ANKRD6: variants seen among roughly 807,000 people sequenced by gnomAD.
The protein encoded by ANKRD6 is ankyrin repeat domain 6.
Under a neutral mutation model 82.3 loss-of-function variants are expected in ANKRD6, and 56 were observed. The observed-to-expected ratio is 0.68, with a 90% CI of 0.55 to 0.85. ANKRD6 has a LOEUF of 0.85. Among genes scored for constraint, ANKRD6 ranks in the 40% least tolerant of loss-of-function variants. The probability of loss-of-function intolerance (pLI) is 0.00; values close to 1 mark genes in which losing one functional copy is unlikely to be tolerated. For synonymous variants in ANKRD6, 347 were observed against 352.1 expected (o/e 0.99, Z 0.16); for missense variants, 852 against 907.6 (o/e 0.94, Z 0.79).
At chr6:89,580,207 A>AT (rs568680402) in intron 2 of ANKRD6, among the ~76,000 whole-genome samples, 33,615 of 143,356 alleles carry the variant, frequency 0.23, 4,051 homozygotes, top group South Asian at 0.36. Flanking sequence ...GAGAAACTTG[A>AT]TTTTTTTTTT....
At chr6:89,456,734 A>C (rs1773553352) in intron 1 of ANKRD6, among the ~76,000 whole-genome samples, 1 of 152,184 alleles carries the variant, frequency 6.6e-6, no homozygotes, top group Non-Finnish European at 1.5e-5. Context: ...ATAAAACATA[A>C]ATTATGGCCA....
At chr6:89,450,942 G>T (rs989234417) in intron 1 of ANKRD6, among the ~76,000 whole-genome samples, 9 of 152,090 alleles carry the variant, frequency 5.9e-5, no homozygotes, top group African/African-American at 2.2e-4. Context: ...TCATTTTATT[G>T]TGGTACTTGC....
intron 3 of ANKRD6, among the ~76,000 whole-genome samples, chr6:89,601,262 CTG>C (rs747996815): frequency 8.2e-4 from 124 of 152,138 alleles, no homozygotes; most frequent in Admixed American, 1.5e-3. Context: ...CTGAACCTAA[CTG>C]ATAACAGGAA....
chr6:89,616,847 T>C, intron 8 of ANKRD6, 190 bp downstream of exon 8: 2 of 694,056 alleles, frequency 2.9e-6, no homozygotes, highest in Non-Finnish European at 5.2e-6. Flanking sequence ...GCCCCAGGAG[T>C]TGACAAGCCT....
At chr6:89,553,835 A>G (rs1481256062) in intron 1 of ANKRD6, among the ~76,000 whole-genome samples, 1 of 152,230 alleles carries the variant, frequency 6.6e-6, no homozygotes, top group Non-Finnish European at 1.5e-5. Context: ...TGGATAATTA[A>G]TATGTAGAAG....
intron 1 of ANKRD6, among the ~76,000 whole-genome samples, chr6:89,463,021 G>A (rs1380490093): frequency 6.6e-6 from 1 of 151,846 alleles, no homozygotes; most frequent in Non-Finnish European, 1.5e-5. Flanking sequence ...ACCATGCCCA[G>A]CTAATTTTTT....
chr6:89,476,414 C>G (rs998402415), intron 1 of ANKRD6, among the ~76,000 whole-genome samples: 1 of 152,134 alleles, frequency 6.6e-6, no homozygotes, highest in Non-Finnish European at 1.5e-5. Context: ...GTCTCGAACT[C>G]TTGACCTCAG....
At chr6:89,630,171 T>C (rs1020673462) in intron 15 of ANKRD6, among the ~76,000 whole-genome samples, 5 of 152,180 alleles carry the variant, frequency 3.3e-5, no homozygotes, top group African/African-American at 1.2e-4. Flanking sequence ...AGCCAGCAAC[T>C]TTTTTGGCTT....
intron 1 of ANKRD6, among the ~76,000 whole-genome samples, chr6:89,551,406 C>G (rs748652845): frequency 1.3e-5 from 2 of 152,186 alleles, no homozygotes; most frequent in African/African-American, 2.4e-5. Flanking sequence ...AAGAGGCGAT[C>G]TGGCTGAGGC....
chr6:89,626,315 T>G (rs955552456), intron 13 of ANKRD6, among the ~76,000 whole-genome samples: 2 of 152,148 alleles, frequency 1.3e-5, no homozygotes, highest in African/African-American at 4.8e-5. Flanking sequence ...AGTGACAGAT[T>G]GGGGTGTAGA....
intron 1 of ANKRD6, among the ~76,000 whole-genome samples, chr6:89,434,921 A>G (rs909232208): frequency 6.6e-5 from 10 of 152,242 alleles, no homozygotes; most frequent in African/African-American, 9.6e-5. Flanking sequence ...AAGAGGAATT[A>G]AAGAGACCAG....
Position 89,437,090 on chromosome 6 carries a change from A to G in ANKRD6, c.-144+3715A>G, listed in dbSNP as rs79108612. ...AGTATTTAAGTGAATGCTCTTATGT[A>G]TGTTTGAGGGGGAAGAAGTTCCATA... On this transcript the variant is annotated intron_variant, in intron 1 of 15. Transcript: ENST00000339746. Among the ~76,000 whole-genome samples, 1,441 of 152,296 alleles carry G rather than the reference A, an allele frequency of 9.5e-3. 15 individuals are homozygous for G. The highest frequency in any genetic ancestry group is 0.013 in the Non-Finnish European group (907 of 68,016).
intron 9 of ANKRD6, among the ~76,000 whole-genome samples, chr6:89,620,545 T>C (rs1012429203): frequency 3.9e-5 from 6 of 152,162 alleles, no homozygotes; most frequent in African/African-American, 1.4e-4. Context: ...TTCTCAGACT[T>C]CTTGGTCTAA....
At chr6:89,504,676 A>G (rs185666016) in intron 1 of ANKRD6, among the ~76,000 whole-genome samples, 1 of 152,270 alleles carries the variant, frequency 6.6e-6, no homozygotes, top group Admixed American at 6.5e-5. Context: ...AAGTACTAGG[A>G]TTATAAGTGT....
intron 7 of ANKRD6, among the ~76,000 whole-genome samples, chr6:89,615,641 A>G (rs1171008289): frequency 6.6e-6 from 1 of 152,208 alleles, no homozygotes; most frequent in East Asian, 1.9e-4. Context: ...ACACATAGCT[A>G]AGTGACTCAG....
chr6:89,491,617 A>G (rs1186521496), intron 1 of ANKRD6, among the ~76,000 whole-genome samples: 1 of 151,410 alleles, frequency 6.6e-6, no homozygotes, highest in African/African-American at 2.4e-5. Context: ...GAAGGGGAAT[A>G]TCACACACCA....
intron 1 of ANKRD6, among the ~76,000 whole-genome samples, chr6:89,443,953 T>C (rs1771741854): frequency 6.6e-6 from 1 of 152,240 alleles, no homozygotes; most frequent in Non-Finnish European, 1.5e-5. Context: ...ATAGAAATGA[T>C]AGAAAAAGTT....
At chr6:89,556,006 G>A (rs2128041476) in intron 1 of ANKRD6, among the ~76,000 whole-genome samples, 1 of 152,296 alleles carries the variant, frequency 6.6e-6, no homozygotes, top group East Asian at 1.9e-4. Flanking sequence ...CTAGCCCCCT[G>A]TATGGTCTGT....
chr6:89,605,103 T>C (rs762684028), intron 4 of ANKRD6, among the ~76,000 whole-genome samples: 5 of 152,164 alleles, frequency 3.3e-5, no homozygotes, highest in Non-Finnish European at 7.4e-5. Flanking sequence ...AGCAACACAT[T>C]AGGCCGGGCA....
Sources: allele counts gnomAD v4.1 joint callset (sites outside exome capture counted in the v4.1 genomes callset), GRCh38; gene constraint gnomAD v4.1.1; transcripts MANE v1.5; gene names NCBI Gene and HGNC (gene_info 2026-07-23, HGNC 2026-07-21).